Variants in FBXW5 observed in about 807,000 individuals in gnomAD.
FBXW5 encodes the protein F-box/WD repeat-containing protein 5.
FBXW5 carries 74 observed loss-of-function variants against 50.9 expected under a neutral mutation model. The observed-to-expected ratio is 1.45, with a 90% confidence interval of 1.20 to 1.76. The LOEUF is 1.76. Among genes scored for constraint, FBXW5 ranks in the 40% most tolerant of loss-of-function variants. FBXW5 has a pLI of 0.00. For missense variants in FBXW5, 1,073 were observed against 818.8 expected, an observed-to-expected ratio of 1.31 and a Z score of -3.79; for synonymous variants, 523 against 362.2, an observed-to-expected ratio of 1.44 and a Z score of -5.04.
At position 136,942,890 on chromosome 9, in the gene FBXW5, G is replaced by A. The variant is rs1233289504; in HGVS notation, c.405C>T (p.Pro135=). 1.2e-6 allele frequency: 2 copies of A among 1,613,542 alleles called. No individual in the cohort carries two copies. The highest frequency in any genetic ancestry group is 1.7e-6 in the Non-Finnish European group (2 of 1,179,978). ...ISLLHSADMR[P]YNWSYTQFSQ... ...AGAACTGGGTGTAGCTCCAGTTGTA[G>A]GGCCGCATGTCCGCGCTGTGCAGCA... Residue 135 remains proline (P), a synonymous_variant, in exon 4 of 9, where the codon CCC becomes CCT. Coordinates refer to ENST00000325285, the MANE Select transcript of FBXW5 (RefSeq NM_018998.4).
At position 136,943,907 on chromosome 9, in the gene FBXW5, G is replaced by A. The variant is rs758344755; in HGVS notation, c.177C>T (p.Asp59=). 9 of 1,549,996 alleles carry A rather than the reference G, an allele frequency of 5.8e-6. No homozygotes were observed. The highest frequency in any genetic ancestry group is 5.2e-6 in the Non-Finnish European group (6 of 1,146,986). ...GCCACTGACCTGGGTGTCGGGGCAC[G>A]TCGCGGGCCACCTGGTAGTAGCGGT... ...QFYRYYQVAR[D]VPRHPAAMSW... Residue 59 remains aspartate (D), a synonymous_variant, in exon 2 of 9, where the codon GAC becomes GAT. Transcript: ENST00000325285.
chr9:136,942,482 C>G lies in FBXW5; in HGVS notation c.676-16G>C, dbSNP rs370566010. 6.3e-7 allele frequency: 1 copy of G among 1,596,064 alleles called. No homozygotes were observed. Among genetic ancestry groups the G allele is most frequent in the African/African-American group, 1.3e-5 (1 of 74,076 alleles). On this transcript the variant is annotated splice_polypyrimidine_tract_variant and intron_variant, in intron 5 of 8. Coordinates refer to ENST00000325285, the MANE Select transcript of FBXW5 (RefSeq NM_018998.4). ...ACTCCACATCCTGGGGGCGGGGGCA[C>G]GTGCCAGGTGGGCGCCGGGCGCCAG...
At position 136,941,396 on chromosome 9, in the gene FBXW5, G is replaced by C; in HGVS notation, c.1312C>G (p.Pro438Ala). The C allele has an allele frequency of 4.3e-6, 7 of 1,611,228 alleles. No individual in the cohort carries two copies. Among genetic ancestry groups the C allele is most frequent in the Non-Finnish European group, 5.9e-6 (7 of 1,179,898 alleles). Residue 438 changes from proline to alanine, a missense_variant, in exon 8 of 9, where the codon CCA becomes GCA. Transcript: ENST00000325285. ...AGCAGGTCAATCTCCTCCGCGATTGGTGGCGGCTGCATGGGGTCGGCCACC... is the reference window on the plus strand; with the variant it reads ...AGCAGGTCAATCTCCTCCGCGATTGCTGGCGGCTGCATGGGGTCGGCCACC... ...AVVADPMQPP[P>A]IAEEIDLLVF...
Position 136,944,596 on chromosome 9 carries a change from C to A in FBXW5, c.-26G>T, listed in dbSNP as rs1241822344. 13 of 984,226 alleles carry A rather than the reference C, an allele frequency of 1.3e-5. No individual in the cohort carries two copies. Among genetic ancestry groups the A allele is most frequent in the Non-Finnish European group, 1.6e-5 (13 of 829,298 alleles). The allele number at this position is 984,226 out of a possible 1,614,324, so 61.0% of individuals were successfully genotyped here. A position where few individuals can be genotyped will look rare whatever the true frequency, so the allele number is the denominator to read the frequency against. Reference sequence around the variant, plus strand: ...CCGAGGGCCGCAGGCGCACTCACCACGGCCGCCTCCGCCCGCTGCGCCGCC... The same window carrying A: ...CCGAGGGCCGCAGGCGCACTCACCAAGGCCGCCTCCGCCCGCTGCGCCGCC... On this transcript the variant is annotated splice_region_variant and 5_prime_UTR_variant, in exon 1 of 9. Transcript: ENST00000325285.
intron 5 of FBXW5, 35 bp from the exon 6 acceptor site, chr9:136,942,501 G>A (rs746383997): frequency 1.9e-6 from 3 of 1,599,228 alleles, no homozygotes; most frequent in South Asian, 2.2e-5. Context: ...TGGGCGCCGG[G>A]CGCCAGGCCC....
intron 2 of FBXW5, 96 bp from the exon 3 acceptor site, chr9:136,943,602 G>T: frequency 1.4e-6 from 2 of 1,472,214 alleles, no homozygotes; most frequent in Non-Finnish European, 1.8e-6. Flanking sequence ...AGGCCCCGTG[G>T]TGCCCCTGGA....
chr9:136,940,982 T>C lies in FBXW5; in HGVS notation c.1647A>G (p.Ala549=), dbSNP rs1282206440. ...AGAAGGTGCGAGGCCGTGGGCGAGG[T>C]GCCTGGAGGACGCGCATGGTGCGTG... ...RSPRTMRVLQ[A]PRPRPRTFFS... Residue 549 remains alanine (A), a synonymous_variant, in exon 9 of 9, where the codon GCA becomes GCG. Transcript: ENST00000325285. The C allele has an allele frequency of 6.4e-7, 1 of 1,560,486 alleles. No individual in the cohort carries two copies. Among genetic ancestry groups the C allele is most frequent in the Non-Finnish European group, 8.7e-7 (1 of 1,152,504 alleles).
chr9:136,942,520 CAGCCCCGCCCCT>C lies in FBXW5; in HGVS notation c.675+15_675+26del, dbSNP rs775784147. 17 of 1,601,070 alleles carry C rather than the reference CAGCCCCGCCCCT, an allele frequency of 1.1e-5. No homozygotes were observed. The highest frequency in any genetic ancestry group is 1.3e-5 in the Non-Finnish European group (15 of 1,171,192). On this transcript the variant is annotated intron_variant, in intron 5 of 8. Transcript: ENST00000325285. ...CGCCGGGCGCCAGGCCCCAGGAGGG[CAGCCCCGCCCCT>C]AGCCCCGCACGCACCTGGAAGGCAT...
chr9:136,940,763 C>G lies in FBXW5; in HGVS notation c.*165G>C. ...ACTGGCCACCCCGTGCCAAGCATCA[C>G]AGCTGCGTGAGCAGGTTTGTGTGTG... On this transcript the variant is annotated 3_prime_UTR_variant, in exon 9 of 9. Transcript: ENST00000325285. 8.5e-7 allele frequency: 1 copy of G among 1,172,610 alleles called. No homozygotes were observed. The highest frequency in any genetic ancestry group is 1.6e-5 in the South Asian group (1 of 63,486). 72.6% of individuals were successfully genotyped at this position (1,172,610 alleles called of 1,614,324 possible).
chr9:136,943,271 G>C lies in FBXW5; in HGVS notation c.351+78C>G, dbSNP rs987698861. 19 of 1,154,810 alleles carry C rather than the reference G, an allele frequency of 1.6e-5. No individual in the cohort carries two copies. The Admixed American group carries it at 3.7e-4, about 22-fold the overall frequency. The allele number at this position is 1,154,810 out of a possible 1,614,324, so 71.5% of individuals were successfully genotyped here. On this transcript the variant is annotated intron_variant, in intron 3 of 8. Coordinates refer to ENST00000325285, the MANE Select transcript of FBXW5 (RefSeq NM_018998.4). ...CCACCCCCCCCCCCACCACCACCTG[G>C]TTGGAACGCCTGGGTCCTGGGACCT...
In FBXW5 at chr9:136,942,658, G is replaced by C. The variant is rs1322294501; in HGVS notation, c.564C>G (p.Pro188=). Reference sequence around the variant, plus strand: ...TGAGCCAACAGCCAAACACGTCATAGGGCTTGTTCCGCACGCGGGACAGCA... The same window carrying C: ...TGAGCCAACAGCCAAACACGTCATACGGCTTGTTCCGCACGCGGGACAGCA... The part of the protein sequence containing the change: ...FALLSRVRNK[P]YDVFGCWLTE... Residue 188 remains proline, a synonymous_variant, in exon 5 of 9, where the codon CCC becomes CCG. Coordinates refer to ENST00000325285, the MANE Select transcript of FBXW5 (RefSeq NM_018998.4). The C allele has an allele frequency of 1.9e-6, 3 of 1,610,346 alleles. No individual in the cohort carries two copies. Among genetic ancestry groups the C allele is most frequent in the Non-Finnish European group, 2.5e-6 (3 of 1,178,926 alleles).
At position 136,944,649 on chromosome 9, in the gene FBXW5, C is replaced by G. The variant is rs867323563; in HGVS notation, c.-79G>C. ...CGCCCTGCGCGACCCGGACCCGCTT[C>G]CGCTGCCGCAGCCGCTCGGACCGCC... is the stretch of plus-strand genomic sequence containing the variant. On this transcript the variant is annotated 5_prime_UTR_variant, in exon 1 of 9. Coordinates refer to ENST00000325285, the MANE Select transcript of FBXW5 (RefSeq NM_018998.4). 2.0e-4 allele frequency: 194 copies of G among 984,808 alleles called. No homozygotes were observed. In the Middle Eastern group the frequency reaches 2.6e-3, roughly 13 times the overall value. 61.0% of individuals were successfully genotyped at this position (984,808 alleles called of 1,614,324 possible).
rs1440156330 is a variant in FBXW5 at position 136,941,131 on chromosome 9, A to G, written c.1498T>C (p.Tyr500His). Residue 500 changes from tyrosine (Y) to histidine (H), a missense_variant, in exon 9 of 9, where the codon TAC (tyrosine) becomes CAC (histidine). Coordinates refer to ENST00000325285, the MANE Select transcript of FBXW5 (RefSeq NM_018998.4). Reference protein sequence around the residue: ...DRHGYIWDRHYNICLARLRHE... With the variant: ...DRHGYIWDRHHNICLARLRHE... ...CGCAGCCTGGCCAGACAGATGTTGT[A>G]GTGGCGGTCCCAGATGTAGCCGTGC... is the stretch of plus-strand genomic sequence containing the variant. The G allele has an allele frequency of 1.9e-6, 3 of 1,598,652 alleles. No homozygotes were observed. The highest frequency in any genetic ancestry group is 2.6e-6 in the Non-Finnish European group (3 of 1,172,274).
In FBXW5 at chr9:136,941,346, C is replaced by T; in HGVS notation, c.1362G>A (p.Arg454=). The change falls in exon 8 of 9, where the codon CGG becomes CGA. Residue 454 remains arginine (R), a synonymous_variant. Transcript: ENST00000325285. ...DLLVFDLKTM[R]EVRRALRAHR... is the part of the protein sequence containing the mutation. ...GCGCACGCAGAGCCCGCCTCACCTCCCGCATGGTCTTGAGGTCGAACACCA... is the reference window on the plus strand; with the variant it reads ...GCGCACGCAGAGCCCGCCTCACCTCTCGCATGGTCTTGAGGTCGAACACCA... 2 of 1,611,566 alleles carry T rather than the reference C, an allele frequency of 1.2e-6. No individual in the cohort carries two copies. The highest frequency in any genetic ancestry group is 8.5e-7 in the Non-Finnish European group (1 of 1,179,894).
chr9:136,943,263 A>AC, intron 3 of FBXW5, 86 bp downstream of exon 3: 1 of 621,818 alleles, frequency 1.6e-6, no homozygotes, highest in South Asian at 1.9e-5. Flanking sequence ...CCCCCCCACC[A>AC]CCACCTGGTT....
rs970480492 is a variant in FBXW5 at position 136,943,651 on chromosome 9, AACCCTGTAGCTCACAGAGACCCCTGT to A, written c.194-171_194-146del. ...GGCATAGGCCTCGGCTGGGGGATTC[AACCCTGTAGCTCACAGAGACCCCTGT>A]ACCCCCCACCCCCCAAGTGACCCAA... On this transcript the variant is annotated intron_variant, in intron 2 of 8. Coordinates refer to ENST00000325285, the MANE Select transcript of FBXW5 (RefSeq NM_018998.4). 20 of 1,214,302 alleles carry A rather than the reference AACCCTGTAGCTCACAGAGACCCCTGT, an allele frequency of 1.6e-5. No homozygotes were observed. In the East Asian group the frequency reaches 1.8e-4, roughly 11 times the overall value. 75.2% of individuals were successfully genotyped at this position (1,214,302 alleles called of 1,614,324 possible).
At position 136,942,320 on chromosome 9, in the gene FBXW5, C is replaced by T. The variant is rs769791008; in HGVS notation, c.822G>A (p.Thr274=). 37 of 1,598,252 alleles carry T rather than the reference C, an allele frequency of 2.3e-5. No individual in the cohort carries two copies. The highest frequency in any genetic ancestry group is 1.7e-4 in the Middle Eastern group (1 of 6,030). The part of the protein sequence containing the change: ...DLLLEAGDPA[T]SPCRIFDLGS... ...CCAGGTCAAAGATGCGGCAGGGGGA[C>T]GTGGCCGGGTCACCGGCTTCCAGCA... is the stretch of plus-strand genomic sequence containing the variant. The change falls in exon 6 of 9, where the codon ACG becomes ACA. Residue 274 remains threonine (T), a synonymous_variant. Coordinates refer to ENST00000325285, the MANE Select transcript of FBXW5 (RefSeq NM_018998.4).
At position 136,943,481 on chromosome 9, in the gene FBXW5, G is replaced by C. The variant is rs1245819991; in HGVS notation, c.219C>G (p.Phe73Leu). Reference protein sequence around the residue: ...HPAAMSWYEEFQRLYDTVPCV... With the variant: ...HPAAMSWYEELQRLYDTVPCV... ...AGGGCACCGTGTCATACAGCCGCTG[G>C]AACTCCTCGTACCAGGACATGGCCG... The change falls in exon 3 of 9, where the codon TTC becomes TTG. Residue 73 changes from phenylalanine to leucine, a missense_variant. Transcript: ENST00000325285. 10 of 1,611,932 alleles carry C rather than the reference G, an allele frequency of 6.2e-6. No homozygotes were observed. The highest frequency in any genetic ancestry group is 8.5e-6 in the Non-Finnish European group (10 of 1,179,278).
At chr9:136,941,199 C>T in intron 8 of FBXW5, 28 bp from the exon 9 acceptor site, 2 of 1,596,504 alleles carry the variant, frequency 1.3e-6, no homozygotes, top group Non-Finnish European at 1.7e-6. Context: ...GGTGAGCCGG[C>T]CGCCCGCCCG....
Sources: gnomAD v4.1 joint callset for allele counts on GRCh38, gnomAD v4.1.1 for gene constraint, MANE v1.5 for transcripts, NCBI Gene and HGNC (gene_info 2026-07-23, HGNC 2026-07-21) for gene names.